ACADM: variants seen among roughly 807,000 people sequenced by gnomAD.
ACADM encodes the protein medium-chain specific acyl-CoA dehydrogenase, mitochondrial.
Under a neutral mutation model 58.9 loss-of-function variants are expected in ACADM, and 49 were observed. The observed-to-expected ratio is 0.83, with a 90% CI of 0.66 to 1.06. The LOEUF is 1.06. ACADM is among the 50% of genes least tolerant of loss of function. The pLI, the probability that ACADM is intolerant of heterozygous loss-of-function variation, is 0.00. For synonymous variants in ACADM, 160 were observed against 157.7 expected (o/e 1.01, Z -0.11); for missense variants, 496 against 507.0 (o/e 0.98, Z 0.21).
chr1:75,758,646 G>A (rs1557464565), intron 10 of ACADM, among the ~76,000 whole-genome samples: 1 of 152,106 alleles, frequency 6.6e-6, no homozygotes, highest in Non-Finnish European at 1.5e-5. Context: ...CTAAAGGATT[G>A]TAAACACACC....
intron 10 of ACADM, among the ~76,000 whole-genome samples, chr1:75,759,765 G>A (rs577226667): frequency 2.7e-5 from 4 of 149,540 alleles, no homozygotes; most frequent in South Asian, 4.2e-4. Context: ...AGGTTTAAGC[G>A]ATTCTTCTGC....
rs71071962 is a variant in ACADM, at chr1:75,753,795, C to CTTTTTTTTTTTTTTTTTTT, written c.945+3250_945+3268dup. ...GCACTCTGCAAAATGCTGATAGCTT[C>CTTTTTTTTTTTTTTTTTTT]TTTTTTTTTTTTTTTTTTTGAGACA... On this transcript the variant is annotated intron_variant, in intron 10 of 11. Coordinates refer to ENST00000370841, the MANE Select transcript of ACADM (RefSeq NM_000016.6). Among the ~76,000 whole-genome samples the CTTTTTTTTTTTTTTTTTTT allele has an allele frequency of 5.7e-4, 47 of 81,898 alleles. 9 individuals carry two copies. Among genetic ancestry groups the CTTTTTTTTTTTTTTTTTTT allele is most frequent in the African/African-American group, 1.9e-3 (32 of 16,464 alleles). The allele number at this position is 81,898 out of a possible 152,430, so 53.7% of individuals were successfully genotyped here. A position where few individuals can be genotyped will look rare whatever the true frequency, so the allele number is the denominator to read the frequency against.
intron 10 of ACADM, among the ~76,000 whole-genome samples, chr1:75,757,362 G>GA (rs777293963): frequency 6.6e-6 from 1 of 151,928 alleles, no homozygotes; most frequent in African/African-American, 2.4e-5. Flanking sequence ...AAATTTACAA[G>GA]AAAAAAATCA....
intron 10 of ACADM, among the ~76,000 whole-genome samples, chr1:75,755,389 G>A (rs911127865): frequency 5.3e-5 from 8 of 152,274 alleles, no homozygotes; most frequent in African/African-American, 1.4e-4. Flanking sequence ...TCATACGTCC[G>A]GGTGCCCCTC....
At chr1:75,748,258 A>G (rs1011863350) in intron 8 of ACADM, among the ~76,000 whole-genome samples, 1 of 152,224 alleles carries the variant, frequency 6.6e-6, no homozygotes, top group Admixed American at 6.5e-5. Flanking sequence ...TGAAGGGTGT[A>G]TAAGTACTTA....
chr1:75,760,544 CAAAAAAAAAAAAAAAAAAAAA>C (rs59063908), intron 10 of ACADM, among the ~76,000 whole-genome samples: 15 of 35,458 alleles, frequency 4.2e-4, no homozygotes, highest in Admixed American at 2.3e-3. Flanking sequence ...GACCCTGTCT[CAAAAAAAAAAAAAAAAAAAAA>C]AAAAAAAAAA....
At chr1:75,755,911 T>C (rs1044333966) in intron 10 of ACADM, among the ~76,000 whole-genome samples, 1 of 152,202 alleles carries the variant, frequency 6.6e-6, no homozygotes, top group African/African-American at 2.4e-5. Flanking sequence ...GCAAGGCTGA[T>C]TCAACATACC....
chr1:75,727,419 C>T (rs1647073816), intron 1 of ACADM, among the ~76,000 whole-genome samples: 2 of 152,082 alleles, frequency 1.3e-5, no homozygotes, highest in African/African-American at 4.8e-5. Flanking sequence ...CTGGATAGTT[C>T]AATTAAAATC....
chr1:75,742,322 A>G (rs1054788174), intron 7 of ACADM, among the ~76,000 whole-genome samples: 3 of 152,142 alleles, frequency 2.0e-5, no homozygotes, highest in Non-Finnish European at 4.4e-5. Context: ...CACCGGCAAC[A>G]CATCTTAGAA....
At chr1:75,737,582 A>G (rs750328412) in intron 6 of ACADM, among the ~76,000 whole-genome samples, 8 of 152,014 alleles carry the variant, frequency 5.3e-5, no homozygotes, top group South Asian at 2.1e-4. Flanking sequence ...GAATACATCA[A>G]ATCTCCAGGT....
chr1:75,735,319 C>CAA (rs33952162), intron 6 of ACADM, among the ~76,000 whole-genome samples: 25,869 of 101,368 alleles, frequency 0.26, 3,844 homozygotes, highest in East Asian at 0.67. Flanking sequence ...GACCCTGTCT[C>CAA]AAAAAAAAAA....
At chr1:75,761,018 G>T (rs1003461574) in intron 10 of ACADM, 104 bp from the exon 11 acceptor site, 2 of 1,176,074 alleles carry the variant, frequency 1.7e-6, no homozygotes, top group Admixed American at 4.2e-5. Flanking sequence ...ACCAGCCTGG[G>T]CAACATAGCA....
chr1:75,744,220 T>C (rs879032311), intron 7 of ACADM: 1 of 1,578,924 alleles, frequency 6.3e-7, no homozygotes, highest in Non-Finnish European at 8.7e-7. Context: ...GCGAGGGCAC[T>C]GGTGGCATCG....
intron 10 of ACADM, among the ~76,000 whole-genome samples, chr1:75,756,524 A>G (rs1002003496): frequency 6.6e-5 from 10 of 152,240 alleles, no homozygotes; most frequent in African/African-American, 2.4e-4. Flanking sequence ...GGACCTCTTC[A>G]AGGAGAACCA....
chr1:75,727,523 A>G (rs993005823), intron 1 of ACADM, among the ~76,000 whole-genome samples: 2 of 152,216 alleles, frequency 1.3e-5, no homozygotes, highest in Non-Finnish European at 2.9e-5. Context: ...AATAAATGCA[A>G]ATTTTTACTT....
chr1:75,760,734 A>G (rs1352838784), intron 10 of ACADM, among the ~76,000 whole-genome samples: 1 of 152,124 alleles, frequency 6.6e-6, no homozygotes, highest in Non-Finnish European at 1.5e-5. Flanking sequence ...ATAATGGTGG[A>G]AAAAGAACAT....
intron 5 of ACADM, among the ~76,000 whole-genome samples, chr1:75,734,077 C>T (rs376582563): frequency 6.6e-6 from 1 of 152,082 alleles, no homozygotes; most frequent in South Asian, 2.1e-4. Context: ...CCTGCACCTC[C>T]TGGGTTCAAG....
chr1:75,745,753 C>T, intron 7 of ACADM, 53 bp from the exon 8 acceptor site: 1 of 1,214,384 alleles, frequency 8.2e-7, no homozygotes. Context: ...AGAGCAATCA[C>T]CATGTGTTAT....
intron 1 of ACADM, among the ~76,000 whole-genome samples, chr1:75,727,299 A>G (rs192770971): frequency 2.6e-5 from 4 of 152,360 alleles, no homozygotes; most frequent in African/African-American, 9.6e-5. Context: ...TGTCATCTAC[A>G]AAGACAGTTT....
Sources: allele counts gnomAD v4.1 joint callset (sites outside exome capture counted in the v4.1 genomes callset), GRCh38; gene constraint gnomAD v4.1.1; transcripts MANE v1.5; gene names NCBI Gene and HGNC (gene_info 2026-07-23, HGNC 2026-07-21).